CDC14B: variants seen among roughly 807,000 people sequenced by gnomAD.
CDC14B encodes the protein cell division cycle 14B.
CDC14B carries 22 observed loss-of-function variants against 64.2 expected under a neutral mutation model. The observed-to-expected ratio is 0.34, with a 90% CI of 0.24 to 0.49. The LOEUF is 0.49. Among genes scored for constraint, CDC14B ranks in the 20% least tolerant of loss-of-function variants. CDC14B has a pLI of 0.99. For missense variants in CDC14B, 498 were observed against 629.9 expected, an observed-to-expected ratio of 0.79 and a Z score of 2.24; for synonymous variants, 191 against 215.8, an observed-to-expected ratio of 0.89 and a Z score of 1.01.
At position 96,609,294 on chromosome 9, in the gene CDC14B, G is replaced by A. The variant is rs1442297553; in HGVS notation, c.160+9925C>T. On this transcript the variant is annotated intron_variant, in intron 1 of 13. Transcript: ENST00000375241. ...TTATTCATTTTGTATAGGAATGATC[G>A]AGTGACATTTCCAACACACAATTCT... Among the ~76,000 whole-genome samples, 6 of 152,236 alleles carry A rather than the reference G, an allele frequency of 3.9e-5. No homozygotes were observed. In the South Asian group the frequency reaches 6.2e-4, roughly 16 times the overall value.
intron 1 of CDC14B, among the ~76,000 whole-genome samples, chr9:96,573,695 A>G (rs912627680): frequency 6.6e-6 from 1 of 152,218 alleles, no homozygotes; most frequent in Non-Finnish European, 1.5e-5. Flanking sequence ...ACTACATGAA[A>G]CCTGACATGC....
At chr9:96,604,709 C>G (rs1174158581) in intron 1 of CDC14B, among the ~76,000 whole-genome samples, 1 of 151,420 alleles carries the variant, frequency 6.6e-6, no homozygotes, top group East Asian at 1.9e-4. Context: ...TGCTCTGTCC[C>G]CCAGGCTGGA....
intron 9 of CDC14B, among the ~76,000 whole-genome samples, chr9:96,530,653 A>ATT (rs57789654): frequency 0.054 from 7,400 of 138,022 alleles, 626 homozygotes; most frequent in African/African-American, 0.18. Context: ...TCTAATTTCG[A>ATT]TTTTTTTTTT....
chr9:96,591,171 T>C (rs1251682272), intron 1 of CDC14B, among the ~76,000 whole-genome samples: 1 of 152,224 alleles, frequency 6.6e-6, no homozygotes, highest in Non-Finnish European at 1.5e-5. Context: ...TCCAATAAAT[T>C]ATTCCCAAAT....
intron 1 of CDC14B, among the ~76,000 whole-genome samples, chr9:96,616,097 TG>T (rs576503736): frequency 1.3e-5 from 2 of 150,904 alleles, no homozygotes; most frequent in Non-Finnish European, 3.0e-5. Flanking sequence ...AGATCTAGGC[TG>T]GGGGGGATCA....
chr9:96,549,662 T>TA (rs797012054), intron 5 of CDC14B, among the ~76,000 whole-genome samples: 7,900 of 140,682 alleles, frequency 0.056, 658 homozygotes, highest in African/African-American at 0.19. Context: ...AGACTCCGTC[T>TA]AAAAAAAAAA....
chr9:96,595,452 T>C (rs1371764543), intron 1 of CDC14B, among the ~76,000 whole-genome samples: 1 of 152,218 alleles, frequency 6.6e-6, no homozygotes, highest in African/African-American at 2.4e-5. Context: ...CAAGTTACTA[T>C]AACTCCATTC....
intron 12 of CDC14B, among the ~76,000 whole-genome samples, chr9:96,513,907 C>T (rs190645111): frequency 1.3e-5 from 2 of 152,316 alleles, no homozygotes; most frequent in East Asian, 1.9e-4. Context: ...ACACCACCTG[C>T]GTCCACTGCC....
At chr9:96,600,232 C>A (rs1312997525) in intron 1 of CDC14B, among the ~76,000 whole-genome samples, 1 of 148,196 alleles carries the variant, frequency 6.7e-6, no homozygotes, top group African/African-American at 2.5e-5. Context: ...CCATCTCTAC[C>A]AAAAAAATTA....
At chr9:96,545,276 T>C (rs1333779862) in intron 5 of CDC14B, among the ~76,000 whole-genome samples, 3 of 151,944 alleles carry the variant, frequency 2.0e-5, no homozygotes, top group Non-Finnish European at 4.4e-5. Context: ...ACCCTCAAGT[T>C]GGATCCCAAT....
chr9:96,589,180 CA>C (rs11445529), intron 1 of CDC14B, among the ~76,000 whole-genome samples: 1 of 150,752 alleles, frequency 6.6e-6, no homozygotes, highest in Non-Finnish European at 1.5e-5. Context: ...TACTAAAATA[CA>C]AAAAAAAATT....
chr9:96,601,193 A>C (rs925688866), intron 1 of CDC14B, among the ~76,000 whole-genome samples: 2 of 152,126 alleles, frequency 1.3e-5, no homozygotes, highest in African/African-American at 4.8e-5. Context: ...ACATGCTCTG[A>C]ACAATCTAAA....
rs546434394 is a variant in CDC14B, at chr9:96,619,427, C to G, written c.-49G>C. The G allele has an allele frequency of 1.5e-5, 16 of 1,084,974 alleles. No homozygotes were observed. The South Asian group carries it at 4.4e-4, about 30-fold the overall frequency. 67.2% of individuals were successfully genotyped at this position (1,084,974 alleles called of 1,614,324 possible). A position where few individuals can be genotyped will look rare whatever the true frequency, so the allele number is the denominator to read the frequency against. On this transcript the variant is annotated 5_prime_UTR_variant, in exon 1 of 14. Coordinates refer to ENST00000375241, the MANE Select transcript of CDC14B (RefSeq NM_033331.4). Reference sequence around the variant, plus strand: ...GGGCCACGACCATGGCCCCGCGCGCCCGCGCGCCCGCCGAGGCTCCCGCCA... The same window carrying G: ...GGGCCACGACCATGGCCCCGCGCGCGCGCGCGCCCGCCGAGGCTCCCGCCA...
At chr9:96,583,624 G>A (rs575874811) in intron 1 of CDC14B, among the ~76,000 whole-genome samples, 2 of 152,070 alleles carry the variant, frequency 1.3e-5, no homozygotes, top group South Asian at 2.1e-4. Flanking sequence ...TGGAAATCCC[G>A]ACCTCAAGTG....
At chr9:96,504,778 G>A (rs1564189887) in intron 13 of CDC14B, among the ~76,000 whole-genome samples, 1 of 152,170 alleles carries the variant, frequency 6.6e-6, no homozygotes, top group Non-Finnish European at 1.5e-5. Flanking sequence ...GCAGTGGCAG[G>A]TGTGACACCA....
chr9:96,566,935 G>A, intron 1 of CDC14B: 3 of 1,509,102 alleles, frequency 2.0e-6, no homozygotes, highest in Non-Finnish European at 2.7e-6. Context: ...GCGCGGGGCA[G>A]CGGGCGCAGC....
At chr9:96,520,609 C>T (rs1185207398) in intron 12 of CDC14B, among the ~76,000 whole-genome samples, 1 of 152,160 alleles carries the variant, frequency 6.6e-6, no homozygotes, top group African/African-American at 2.4e-5. Flanking sequence ...ATTTGTATCC[C>T]CTGACTCTCA....
intron 1 of CDC14B, among the ~76,000 whole-genome samples, chr9:96,568,681 C>T (rs768581593): frequency 3.3e-5 from 5 of 151,994 alleles, no homozygotes; most frequent in Non-Finnish European, 7.4e-5. Context: ...TTTGGGAGGC[C>T]GAGGAGGATG....
chr9:96,524,788 A>T (rs575593402), intron 9 of CDC14B, among the ~76,000 whole-genome samples: 1 of 152,200 alleles, frequency 6.6e-6, no homozygotes, highest in Non-Finnish European at 1.5e-5. Context: ...CCCACGCTGC[A>T]TATTTTGGAC....
Sources: gnomAD v4.1 joint callset for allele counts (sites outside exome capture counted in the v4.1 genomes callset) on GRCh38, gnomAD v4.1.1 for gene constraint, MANE v1.5 for transcripts, NCBI Gene and HGNC (gene_info 2026-07-23, HGNC 2026-07-21) for gene names.